Variants in CDCA7 observed in about 807,000 individuals in gnomAD.
CDCA7 encodes cell division cycle associated 7.
CDCA7 carries 28 observed loss-of-function variants against 54.0 expected under a neutral mutation model. That is an observed-to-expected ratio of 0.52 (90% CI 0.38 to 0.71). The LOEUF (loss-of-function observed/expected upper bound fraction) is 0.71. Among genes scored for constraint, CDCA7 ranks in the 30% least tolerant of loss-of-function variants. The probability of loss-of-function intolerance (pLI) is 0.00; values close to 1 mark genes in which losing one functional copy is unlikely to be tolerated. For synonymous variants in CDCA7, 180 were observed against 208.2 expected (o/e 0.86, Z 1.16); for missense variants, 484 against 586.0 (o/e 0.83, Z 1.80).
At chr2:173,355,632 A>G (rs1212082501) in intron 1 of CDCA7, among the ~76,000 whole-genome samples, 1 of 151,878 alleles carries the variant, frequency 6.6e-6, no homozygotes, top group African/African-American at 2.4e-5. Flanking sequence ...TTCGCCGACC[A>G]TTTGCTCGTT....
Position 173,365,607 on chromosome 2 carries a change from A to G in CDCA7, c.1035+15A>G. On this transcript the variant is annotated intron_variant, in intron 7 of 9. Coordinates refer to ENST00000306721, the MANE Select transcript of CDCA7 (RefSeq NM_031942.5). ...ACCGTTCACTGGTGAGAGCCTCTAA[A>G]TTACACCTGAGAATGTAAACATCTG... 1 of 1,612,488 alleles carries G rather than the reference A, an allele frequency of 6.2e-7. No individual in the cohort carries two copies. The highest frequency in any genetic ancestry group is 1.1e-5 in the South Asian group (1 of 90,684).
Position 173,354,931 on chromosome 2 carries a change from C to T in CDCA7, c.-33C>T, listed in dbSNP as rs898128224. 5 of 1,478,888 alleles carry T rather than the reference C, an allele frequency of 3.4e-6. No individual in the cohort carries two copies. The highest frequency in any genetic ancestry group is 4.5e-6 in the Non-Finnish European group (5 of 1,122,670). 91.6% of individuals were successfully genotyped at this position (1,478,888 alleles called of 1,614,324 possible). On this transcript the variant is annotated 5_prime_UTR_variant, in exon 1 of 10. Transcript: ENST00000306721. ...CCGCGCGGCTGCTCCGCTCTCCCCG[C>T]TCCAAGCGCCGATCTGGGCACCCGC...
chr2:173,367,682 G>C lies in CDCA7; in HGVS notation c.*18G>C, dbSNP rs1250444196. On this transcript the variant is annotated 3_prime_UTR_variant, in exon 10 of 10. Coordinates refer to ENST00000306721, the MANE Select transcript of CDCA7 (RefSeq NM_031942.5). ...AAGCATAATATCTGGAAAATTTGCT[G>C]CCTGCCTTCTACTTCTCAAATCTTT... 5 of 1,613,806 alleles carry C rather than the reference G, an allele frequency of 3.1e-6. No individual in the cohort carries two copies. In the South Asian group the frequency reaches 4.4e-5, roughly 14 times the overall value.
rs768105204 is a variant in CDCA7, at chr2:173,366,261, T to TA, written c.1036-22_1036-21insA. On this transcript the variant is annotated intron_variant, in intron 7 of 9. Transcript: ENST00000306721. This position sits in a 1 kb window ranked among gnomAD's most constrained non-coding sequence, Gnocchi z 4.5. ...AAAAACAGTGGTTTTTTTTGTTTTTTTTCTTAATGGCTTATTTGTAGGGCT... is the reference window on the plus strand; with the variant it reads ...AAAAACAGTGGTTTTTTTTGTTTTTTATTCTTAATGGCTTATTTGTAGGGCT... The TA allele has an allele frequency of 1.3e-6, 2 of 1,581,924 alleles. No individual in the cohort carries two copies. The highest frequency in any genetic ancestry group is 4.5e-5 in the East Asian group (2 of 44,504).
rs561290934 is a variant in CDCA7 at position 173,356,934 on chromosome 2, G to A, written c.22-1778G>A. Among the ~76,000 whole-genome samples the A allele has an allele frequency of 6.6e-5, 10 of 152,316 alleles. No homozygotes were observed. In the South Asian group the frequency reaches 1.7e-3, roughly 25 times the overall value. On this transcript the variant is annotated intron_variant, in intron 1 of 9. Transcript: ENST00000306721. ...TTAGGGGTATAGGGATGTTGGGAGT[G>A]CCATCATCATGAAAATAACTTTATC...
chr2:173,367,849 C>T lies in CDCA7; in HGVS notation c.*185C>T. 1 of 652,080 alleles carries T rather than the reference C, an allele frequency of 1.5e-6. No homozygotes were observed. Among genetic ancestry groups the T allele is most frequent in the East Asian group, 2.7e-5 (1 of 37,014 alleles). The allele number at this position is 652,080 out of a possible 1,614,324, so 40.4% of individuals were successfully genotyped here. On this transcript the variant is annotated 3_prime_UTR_variant, in exon 10 of 10. Coordinates refer to ENST00000306721, the MANE Select transcript of CDCA7 (RefSeq NM_031942.5). Reference sequence around the variant, plus strand: ...CACAGAAGGTATATTGCTAGTTACACTTTGCCCTCCTGCAGTTTCTTCTCT... The same window carrying T: ...CACAGAAGGTATATTGCTAGTTACATTTTGCCCTCCTGCAGTTTCTTCTCT...
intron 1 of CDCA7, among the ~76,000 whole-genome samples, chr2:173,355,776 G>T (rs1686490666): frequency 6.6e-6 from 1 of 151,486 alleles, no homozygotes; most frequent in African/African-American, 2.4e-5. Context: ...TCGGGCTCCT[G>T]GAGAGGGTAG....
chr2:173,359,455 T>G lies in CDCA7; in HGVS notation c.348T>G (p.Phe116Leu). The G allele has an allele frequency of 6.2e-7, 1 of 1,614,172 alleles. No individual in the cohort carries two copies. The highest frequency in any genetic ancestry group is 1.1e-5 in the South Asian group (1 of 91,082). Residue 116 changes from phenylalanine to leucine, a missense_variant, in exon 3 of 10, where the codon TTT becomes TTG. Physicochemically the swap from Phe to Leu is conservative, Grantham distance 22. Around this residue, in one of 3 missense-constraint regions of CDCA7, gnomAD observed 398 missense variants for 447.4 expected, o/e 0.89. Coordinates refer to ENST00000306721, the MANE Select transcript of CDCA7 (RefSeq NM_031942.5). ...ATGCCGACTCTGACGATGAATCATT[T>G]TGCGGTTTCTCAGAGAGTGAGATAC... is the stretch of plus-strand genomic sequence containing the variant. The part of the protein sequence containing the change: ...IFHADSDDES[F>L]CGFSESEIQD...
chr2:173,363,973 A>G (rs777827504), intron 5 of CDCA7, 78 bp downstream of exon 5: 1 of 1,353,582 alleles, frequency 7.4e-7, no homozygotes, highest in African/African-American at 1.5e-5. Flanking sequence ...TTAAAAATCT[A>G]ATTTCTTTAT....
chr2:173,355,573 G>C (rs2106386258), intron 1 of CDCA7, among the ~76,000 whole-genome samples: 1 of 152,330 alleles, frequency 6.6e-6, no homozygotes, highest in East Asian at 1.9e-4. Context: ...AGCGACCGTA[G>C]TCCCGGGCGG....
chr2:173,364,687 A>G (rs1686685453), intron 5 of CDCA7, 108 bp from the exon 6 acceptor site: 1 of 1,462,406 alleles, frequency 6.8e-7, no homozygotes, highest in Non-Finnish European at 9.0e-7. Context: ...AAGAAAAAAT[A>G]GAGCTCTCTT....
chr2:173,365,504 A>T lies in CDCA7; in HGVS notation c.947A>T (p.His316Leu). The change falls in exon 7 of 10, where the codon CAT becomes CTT. Residue 316 changes from histidine (H) to leucine (L), a missense_variant. By Grantham distance (99) the His-to-Leu change is moderately conservative. This residue lies in a region of CDCA7 where 398 missense variants were observed against 447.4 expected (regional missense o/e 0.89). Transcript: ENST00000306721. ...TCCAGATCATCCGTGACCCTTCCGC[A>T]TATAATTCGCCCAGTGGAAGAAATT... ...RRSRSSVTLP[H>L]IIRPVEEITE... 2.5e-6 allele frequency: 4 copies of T among 1,614,204 alleles called. No individual in the cohort carries two copies. The highest frequency in any genetic ancestry group is 3.4e-6 in the Non-Finnish European group (4 of 1,180,022).
At chr2:173,358,671 G>GTAA (rs1347137843) in intron 1 of CDCA7, 41 bp from the exon 2 acceptor site, 1 of 1,591,186 alleles carries the variant, frequency 6.3e-7, no homozygotes, top group Non-Finnish European at 8.6e-7. Context: ...GTTAAATAAA[G>GTAA]TAAGCATCAC....
intron 5 of CDCA7, 48 bp downstream of exon 5, chr2:173,363,943 A>G (rs1686670698): frequency 6.7e-7 from 1 of 1,498,584 alleles, no homozygotes; most frequent in East Asian, 2.3e-5. Context: ...GGGCACACCT[A>G]AGGTCGATCT....
chr2:173,365,465 C>T lies in CDCA7; in HGVS notation c.908C>T (p.Pro303Leu). 1 of 1,613,154 alleles carries T rather than the reference C, an allele frequency of 6.2e-7. No homozygotes were observed. Among genetic ancestry groups the T allele is most frequent in the Non-Finnish European group, 8.5e-7 (1 of 1,179,578 alleles). Residue 303 changes from proline (P) to leucine (L), a missense_variant, in exon 7 of 10, where the codon CCC (proline) becomes CTC (leucine). Physicochemically the swap from Pro to Leu is moderately conservative, Grantham distance 98. Transcript: ENST00000306721. ...CTTGTAATGCAGGAAGATGACCTGC[C>T]CAGAAGCCGTCGCTCCAGATCATCC... ...VDGYMNEDDLPRSRRSRSSVT... is the reference protein window; with the variant it reads ...VDGYMNEDDLLRSRRSRSSVT...
chr2:173,363,690 C>T lies in CDCA7; in HGVS notation c.622-128C>T, dbSNP rs4972555. 0.85 allele frequency: 886,318 copies of T among 1,039,324 alleles called. 378,574 individuals carry two copies. The highest frequency in any genetic ancestry group is 0.96 in the East Asian group (40,612 of 42,160). 64.4% of individuals were successfully genotyped at this position (1,039,324 alleles called of 1,614,324 possible). On this transcript the variant is annotated intron_variant, in intron 4 of 9. Coordinates refer to ENST00000306721, the MANE Select transcript of CDCA7 (RefSeq NM_031942.5). ...AAGTGTATAGGGGAAATCAGAAACT[C>T]TGAATGTGTCAGCTTACTATCAAAT...
rs902308348 is a variant in CDCA7 at position 173,368,416 on chromosome 2, A to T, written c.*752A>T. ...AAGCTGATTTGAATTTTCAGTATAA[A>T]ACTTTAGTATAATTGTAGTTTGCAA... On this transcript the variant is annotated 3_prime_UTR_variant, in exon 10 of 10. Transcript: ENST00000306721. 3.9e-5 allele frequency: 6 copies of T among 152,222 alleles called. No homozygotes were observed. Among genetic ancestry groups the T allele is most frequent in the Non-Finnish European group, 8.8e-5 (6 of 68,040 alleles). The allele number at this position is 152,222 out of a possible 1,614,324, so 9.4% of individuals were successfully genotyped here. A position where few individuals can be genotyped will look rare whatever the true frequency, so the allele number is the denominator to read the frequency against.
At chr2:173,360,260 A>G (rs910525393) in intron 3 of CDCA7, among the ~76,000 whole-genome samples, 3 of 152,228 alleles carry the variant, frequency 2.0e-5, no homozygotes, top group African/African-American at 4.8e-5. Context: ...AAATCAGTGC[A>G]TACTGGAGTT....
intron 6 of CDCA7, 70 bp from the exon 7 acceptor site, chr2:173,365,382 T>C: frequency 1.3e-6 from 2 of 1,512,600 alleles, no homozygotes; most frequent in Non-Finnish European, 1.8e-6. Context: ...TTGAATCTGT[T>C]TTTTCAGTTT....
Sources: gnomAD v4.1 joint callset for allele counts (sites outside exome capture counted in the v4.1 genomes callset) on GRCh38, gnomAD v4.1.1 for gene constraint, gnomAD v4.1.1 regional missense constraint, Gnocchi (gnomAD v3.1) non-coding constraint, MANE v1.5 for transcripts, NCBI Gene and HGNC (gene_info 2026-07-23, HGNC 2026-07-21) for gene names.